The following TUSC3 variants were observed in gnomAD, a reference collection of about 807,000 sequenced individuals.
The protein encoded by TUSC3 is dolichyl-diphosphooligosaccharide--protein glycosyltransferase subunit TUSC3.
In TUSC3, 45 loss-of-function variants were observed where a neutral mutation model predicts 44.8. The ratio of observed to expected loss-of-function variants is 1.00; its 90% CI spans 0.79 to 1.29. The LOEUF (loss-of-function observed/expected upper bound fraction) is 1.29. Among genes scored for constraint, TUSC3 ranks in the 50% most tolerant of loss-of-function variants. The probability of loss-of-function intolerance (pLI) is 0.00; values close to 1 mark genes in which losing one functional copy is unlikely to be tolerated. For missense variants in TUSC3, 519 were observed against 437.9 expected, an observed-to-expected ratio of 1.19 and a Z score of -1.65; for synonymous variants, 212 against 152.9, an observed-to-expected ratio of 1.39 and a Z score of -2.85.
the TUSC3 span, among the ~76,000 whole-genome samples, chr8:15,813,929 G>A: frequency 2.6e-5 from 4 of 152,218 alleles, no homozygotes; most frequent in African/African-American, 7.2e-5. Flanking sequence ...CTAAGTTTGC[G>A]ACATTGAGCA....
In TUSC3 at chr8:15,427,684, T is replaced by C. The variant is rs574310083; in HGVS notation, n.91+10379T>C. 4.1e-5 allele frequency among the ~76,000 whole-genome samples: 6 copies of C among 145,202 alleles called. No individual in the cohort carries two copies. In the South Asian group the frequency reaches 1.3e-3, roughly 32 times the overall value. On this transcript the variant is annotated intron_variant and non_coding_transcript_variant, in intron 1 of 5. Coordinates refer to the TUSC3 transcript ENST00000503191. ...TTGCCTTGGTCTCACCTTATGCCCC[T>C]CAGTCAAATTCTTTGTTCTGAGGAG...
At chr8:15,851,743 A>T in the TUSC3 span, among the ~76,000 whole-genome samples, 1 of 152,154 alleles carries the variant, frequency 6.6e-6, no homozygotes, top group Non-Finnish European at 1.5e-5. Flanking sequence ...TTAGCATTCC[A>T]GTATAAGCTT....
chr8:15,482,965 C>G (rs564128026), intron 1 of TUSC3, among the ~76,000 whole-genome samples: 3 of 152,106 alleles, frequency 2.0e-5, no homozygotes, highest in African/African-American at 4.8e-5. Context: ...GTATAAAACA[C>G]TGGTAATTAA....
intron 2 of TUSC3, among the ~76,000 whole-genome samples, chr8:15,638,175 G>A (rs768448112): frequency 6.5e-5 from 9 of 138,268 alleles, no homozygotes; most frequent in Non-Finnish European, 1.1e-4. Context: ...GCCGCCCCCC[G>A]TATTTCGCCT....
chr8:15,706,550 T>G (rs1413075389), intron 6 of TUSC3, among the ~76,000 whole-genome samples: 1 of 152,032 alleles, frequency 6.6e-6, no homozygotes, highest in Non-Finnish European at 1.5e-5. Flanking sequence ...GTTTGAAGTG[T>G]TAATAGAAGA....
At chr8:15,786,055 T>A in the TUSC3 span, among the ~76,000 whole-genome samples, 1 of 152,256 alleles carries the variant, frequency 6.6e-6, no homozygotes, top group South Asian at 2.1e-4. Context: ...ATTGTTTGTA[T>A]AGTTACTCTG....
At position 15,764,373 on chromosome 8, in the gene TUSC3, C is replaced by A; in HGVS notation, c.*217C>A. ...GGGTTTTCCTAGTAAATTTAATTTA[C>A]AGAAATCAATGGTAGCATTTAGTAA... is the stretch of plus-strand genomic sequence containing the variant. On this transcript the variant is annotated 3_prime_UTR_variant, in exon 11 of 11. Coordinates refer to ENST00000503731, the MANE Select transcript of TUSC3 (RefSeq NM_006765.4). 2 of 747,404 alleles carry A rather than the reference C, an allele frequency of 2.7e-6. No homozygotes were observed. The highest frequency in any genetic ancestry group is 4.3e-6 in the Non-Finnish European group (2 of 461,712). The allele number at this position is 747,404 out of a possible 1,614,324, so 46.3% of individuals were successfully genotyped here.
At position 15,540,429 on chromosome 8, in the gene TUSC3, C is replaced by G; in HGVS notation, c.-2C>G. 1 of 1,585,968 alleles carries G rather than the reference C, an allele frequency of 6.3e-7. No individual in the cohort carries two copies. The highest frequency in any genetic ancestry group is 8.6e-7 in the Non-Finnish European group (1 of 1,167,466). The stretch of plus-strand genomic sequence containing the variant: ...GCGTGGAGGAGACACTGCCCTGCCG[C>G]GATGGGGGCCCGGGGCGCTCCTTCA... On this transcript the variant is annotated 5_prime_UTR_variant, in exon 1 of 11. Coordinates refer to ENST00000503731, the MANE Select transcript of TUSC3 (RefSeq NM_006765.4).
Position 15,572,402 on chromosome 8 carries a change from G to T in TUSC3, c.138+31834G>T, listed in dbSNP as rs368677897. 8.1e-4 allele frequency among the ~76,000 whole-genome samples: 123 copies of T among 152,244 alleles called. 3 individuals are homozygous for T. In the South Asian group the frequency reaches 0.025, roughly 31 times the overall value. ...TTGGATTGAAGAGACTTAGGGCCTT[G>T]TTCTGAATTAGGCTTGGTTTAAGGG... On this transcript the variant is annotated intron_variant, in intron 1 of 10. Transcript: ENST00000503731.
intron 6 of TUSC3, among the ~76,000 whole-genome samples, chr8:15,708,224 T>C (rs547238836): frequency 1.3e-5 from 2 of 151,866 alleles, no homozygotes; most frequent in Non-Finnish European, 2.9e-5. Context: ...TGTAAAGTTA[T>C]TGGTAGATTC....
the TUSC3 span, among the ~76,000 whole-genome samples, chr8:15,818,164 C>A: frequency 5.3e-5 from 8 of 152,264 alleles, no homozygotes; most frequent in African/African-American, 1.9e-4. Flanking sequence ...GGGATGATGT[C>A]AAGACAAACT....
At chr8:15,792,994 G>A in the TUSC3 span, among the ~76,000 whole-genome samples, 7 of 151,770 alleles carry the variant, frequency 4.6e-5, no homozygotes, top group Non-Finnish European at 8.8e-5. Context: ...TTTCTCTGGG[G>A]GAAAACAAAA....
intron 2 of TUSC3, among the ~76,000 whole-genome samples, chr8:15,633,936 C>T (rs1049884209): frequency 6.6e-6 from 1 of 152,094 alleles, no homozygotes; most frequent in African/African-American, 2.4e-5. Flanking sequence ...ACAAAACATC[C>T]CACAAGGGAT....
intron 1 of TUSC3, among the ~76,000 whole-genome samples, chr8:15,483,060 G>A (rs1800683577): frequency 6.6e-6 from 1 of 152,066 alleles, no homozygotes; most frequent in African/African-American, 2.4e-5. Context: ...GAACATCATA[G>A]AAAATATTCC....
chr8:15,706,362 G>A (rs965594660), intron 6 of TUSC3, among the ~76,000 whole-genome samples: 1 of 152,002 alleles, frequency 6.6e-6, no homozygotes, highest in Non-Finnish European at 1.5e-5. Context: ...CTATTTTGCA[G>A]TGCTTTCCTC....
chr8:15,468,879 T>C (rs1800448650), intron 1 of TUSC3, among the ~76,000 whole-genome samples: 1 of 150,588 alleles, frequency 6.6e-6, no homozygotes, highest in African/African-American at 2.4e-5. Context: ...GAGACTCTAA[T>C]AAAAAGGAAT....
At position 15,695,005 on chromosome 8, in the gene TUSC3, G is replaced by A. The variant is rs549321617; in HGVS notation, c.798+21169G>A. Among the ~76,000 whole-genome samples the A allele has an allele frequency of 5.3e-5, 8 of 152,298 alleles. No individual in the cohort carries two copies. The East Asian group carries it at 5.8e-4, about 11-fold the overall frequency. Reference sequence around the variant, plus strand: ...CCAAGCATGTGTTTGCACCATTGCCGGTGTCATAGCAGGGGCAGAGATCTT... The same window carrying A: ...CCAAGCATGTGTTTGCACCATTGCCAGTGTCATAGCAGGGGCAGAGATCTT... On this transcript the variant is annotated intron_variant, in intron 6 of 10. Coordinates refer to ENST00000503731, the MANE Select transcript of TUSC3 (RefSeq NM_006765.4).
At chr8:15,425,633 A>C (rs896662779) in intron 1 of TUSC3, among the ~76,000 whole-genome samples, 4 of 152,256 alleles carry the variant, frequency 2.6e-5, no homozygotes, top group African/African-American at 7.2e-5. Flanking sequence ...CCACCAGGGC[A>C]TGAAGTTAGA....
At chr8:15,681,854 T>A (rs1808442362) in intron 6 of TUSC3, among the ~76,000 whole-genome samples, 1 of 152,138 alleles carries the variant, frequency 6.6e-6, no homozygotes, top group South Asian at 2.1e-4. Context: ...AAGATTTTGG[T>A]ATGTTGTATC....
Sources: allele counts gnomAD v4.1 joint callset (sites outside exome capture counted in the v4.1 genomes callset), GRCh38; gene constraint gnomAD v4.1.1; transcripts MANE v1.5; gene names NCBI Gene and HGNC (gene_info 2026-07-23, HGNC 2026-07-21).